ARMH4: variants seen among roughly 807,000 people sequenced by gnomAD.
The protein encoded by ARMH4 is armadillo like helical domain containing 4, also known as armadillo-like helical domain-containing protein 4.
Under a neutral mutation model 61.9 loss-of-function variants are expected in ARMH4, and 49 were observed. That is an observed-to-expected ratio of 0.79 (90% CI 0.63 to 1.00). ARMH4 has a LOEUF of 1.00. Among genes scored for constraint, ARMH4 ranks in the 50% least tolerant of loss-of-function variants. The pLI is 0.00. For missense variants in ARMH4, 934 were observed against 930.0 expected, an observed-to-expected ratio of 1.00 and a Z score of -0.06; for synonymous variants, 368 against 341.5, an observed-to-expected ratio of 1.08 and a Z score of -0.85.
chr14:58,117,398 GTTGA>G (rs1167112954), intron 4 of ARMH4, among the ~76,000 whole-genome samples: 1 of 152,170 alleles, frequency 6.6e-6, no homozygotes, highest in African/African-American at 2.4e-5. Context: ...GGTTGGTTAG[GTTGA>G]TTATTGACTA....
chr14:58,103,692 G>A (rs1206813493), intron 4 of ARMH4, among the ~76,000 whole-genome samples: 3 of 151,812 alleles, frequency 2.0e-5, no homozygotes, highest in Non-Finnish European at 4.4e-5. Context: ...GGGTTCAATT[G>A]ACCCTCCCAC....
At chr14:58,076,500 C>T (rs1159133610) in intron 5 of ARMH4, among the ~76,000 whole-genome samples, 1 of 152,214 alleles carries the variant, frequency 6.6e-6, no homozygotes, top group Non-Finnish European at 1.5e-5. Flanking sequence ...AAACAGAGGT[C>T]TGCTGCCTGA....
At chr14:58,010,702 T>TA (rs1185648558) in intron 6 of ARMH4, among the ~76,000 whole-genome samples, 1 of 151,934 alleles carries the variant, frequency 6.6e-6, no homozygotes, top group African/African-American at 2.4e-5. Context: ...TTCATAGGAA[T>TA]AAAAAAATAT....
chr14:58,011,438 TC>T (rs898183082), intron 6 of ARMH4, among the ~76,000 whole-genome samples: 43 of 152,178 alleles, frequency 2.8e-4, no homozygotes, highest in African/African-American at 1.0e-3. Flanking sequence ...TTAGCTGAAA[TC>T]CCAGTGAAAT....
intron 5 of ARMH4, among the ~76,000 whole-genome samples, chr14:58,080,023 C>T (rs1885167394): frequency 6.6e-6 from 1 of 152,086 alleles, no homozygotes; most frequent in Non-Finnish European, 1.5e-5. Flanking sequence ...CCTCATTGCT[C>T]ATCTGCAGTA....
chr14:58,098,419 G>C (rs906036975), intron 4 of ARMH4, among the ~76,000 whole-genome samples: 1 of 152,176 alleles, frequency 6.6e-6, no homozygotes, highest in African/African-American at 2.4e-5. Context: ...GCCACCCAGG[G>C]AGACTCACAG....
chr14:58,136,251 T>C (rs772030814), intron 2 of ARMH4, among the ~76,000 whole-genome samples: 1 of 152,158 alleles, frequency 6.6e-6, no homozygotes, highest in Non-Finnish European at 1.5e-5. Flanking sequence ...AATTACCAAT[T>C]CCATTTTACT....
At chr14:58,024,004 A>G (rs527755733) in intron 5 of ARMH4, among the ~76,000 whole-genome samples, 4 of 152,130 alleles carry the variant, frequency 2.6e-5, no homozygotes, top group Non-Finnish European at 5.9e-5. Context: ...TTCCATTTAT[A>G]GAGCACAGGC....
chr14:58,111,497 G>A (rs1471658548), intron 4 of ARMH4, among the ~76,000 whole-genome samples: 1 of 152,156 alleles, frequency 6.6e-6, no homozygotes, highest in African/African-American at 2.4e-5. Context: ...AAACTAGGTG[G>A]CTTAAACAAC....
intron 4 of ARMH4, among the ~76,000 whole-genome samples, chr14:58,102,614 A>G (rs571063060): frequency 2.1e-4 from 31 of 148,196 alleles, no homozygotes; most frequent in Admixed American, 1.6e-3. Flanking sequence ...GATCGAGACC[A>G]TCCTGGCTAA....
intron 5 of ARMH4, among the ~76,000 whole-genome samples, chr14:58,072,681 C>G (rs1884921326): frequency 6.6e-6 from 1 of 151,922 alleles, no homozygotes. Flanking sequence ...GAGATCGCAC[C>G]ACTGCATTCT....
chr14:58,083,163 C>A (rs1317439747), intron 5 of ARMH4, among the ~76,000 whole-genome samples: 1 of 152,232 alleles, frequency 6.6e-6, no homozygotes, highest in African/African-American at 2.4e-5. Context: ...GTTATAGCAA[C>A]TGGCATTTGC....
chr14:58,095,063 T>C (rs894472464), intron 5 of ARMH4, among the ~76,000 whole-genome samples: 1 of 152,194 alleles, frequency 6.6e-6, no homozygotes, highest in Non-Finnish European at 1.5e-5. Context: ...AGCCTCCTTA[T>C]AGTTTTCTAA....
intron 5 of ARMH4, among the ~76,000 whole-genome samples, chr14:58,027,820 C>T (rs542669480): frequency 6.6e-6 from 1 of 152,052 alleles, no homozygotes; most frequent in Non-Finnish European, 1.5e-5. Context: ...CCAAACTCAT[C>T]GAGTTGTATA....
intron 5 of ARMH4, among the ~76,000 whole-genome samples, chr14:58,027,233 T>C (rs531607143): frequency 6.6e-6 from 1 of 152,368 alleles, no homozygotes; most frequent in East Asian, 1.9e-4. Context: ...AGATCTATTA[T>C]ACGGCATAGT....
At chr14:58,140,605 A>G (rs1887507896) in intron 1 of ARMH4, among the ~76,000 whole-genome samples, 1 of 148,286 alleles carries the variant, frequency 6.7e-6, no homozygotes, top group Non-Finnish European at 1.5e-5. Flanking sequence ...ATAAATAAAT[A>G]AAATATAAAA....
intron 5 of ARMH4, among the ~76,000 whole-genome samples, chr14:58,080,715 G>A (rs1367317545): frequency 6.6e-6 from 1 of 151,928 alleles, no homozygotes; most frequent in Non-Finnish European, 1.5e-5. Context: ...TTGTTATATG[G>A]CTATATTGTG....
chr14:58,132,155 A>G (rs571910286), intron 3 of ARMH4, among the ~76,000 whole-genome samples: 1 of 152,348 alleles, frequency 6.6e-6, no homozygotes, highest in East Asian at 1.9e-4. Context: ...TGGAATGTCA[A>G]TTTAAAAGCA....
chr14:58,095,863 G>C (rs972568595), intron 5 of ARMH4, among the ~76,000 whole-genome samples: 1 of 152,190 alleles, frequency 6.6e-6, no homozygotes, highest in African/African-American at 2.4e-5. Context: ...CCACACTGAA[G>C]GAATCAATGG....
Sources: gnomAD v4.1 joint callset for allele counts (sites outside exome capture counted in the v4.1 genomes callset) on GRCh38, gnomAD v4.1.1 for gene constraint, MANE v1.5 for transcripts, NCBI Gene and HGNC (gene_info 2026-07-23, HGNC 2026-07-21) for gene names.